WASHC2C: variants seen among roughly 807,000 people sequenced by gnomAD.
WASHC2C encodes the protein Vaccinia Penetration Factor.
Under a neutral mutation model 142.2 loss-of-function variants are expected in WASHC2C, and 73 were observed. That is an observed-to-expected ratio of 0.51 (90% confidence interval 0.43 to 0.62). The LOEUF (loss-of-function observed/expected upper bound fraction) is 0.62, where lower values mean the gene tolerates loss of function less well. Ranked by LOEUF, WASHC2C falls within the 20% of genes least tolerant of loss-of-function variation. The pLI is 0.00. For missense variants in WASHC2C, 969 were observed against 1,531.7 expected, an observed-to-expected ratio of 0.63 and a Z score of 6.13; for synonymous variants, 337 against 565.5, an observed-to-expected ratio of 0.60 and a Z score of 5.73.
intron 26 of WASHC2C, 199 bp downstream of exon 26, chr10:45,785,830 A>G (rs1438472557): frequency 3.9e-6 from 4 of 1,028,902 alleles, no homozygotes; most frequent in Non-Finnish European, 4.2e-6. Flanking sequence ...TCATGAATCT[A>G]TACTTTAATA....
At position 45,727,287 on chromosome 10, in the gene WASHC2C, G is replaced by T; in HGVS notation, c.-31G>T. On this transcript the variant is annotated 5_prime_UTR_variant, in exon 1 of 31. Transcript: ENST00000623400. ...CTGCGGTCCTCGGCCTGTGCTGGCA[G>T]CCTCGGAGCCCACCGAGCCGGGCGG... The T allele has an allele frequency of 1.9e-6, 3 of 1,555,556 alleles. No individual in the cohort carries two copies. Among genetic ancestry groups the T allele is most frequent in the Non-Finnish European group, 2.6e-6 (3 of 1,151,416 alleles).
intron 8 of WASHC2C, among the ~76,000 whole-genome samples, chr10:45,747,790 C>T (rs1485038207): frequency 2.0e-5 from 3 of 150,464 alleles, no homozygotes. Context: ...TCAGGGTCTT[C>T]CCATGTTTCC....
chr10:45,791,209 G>A (rs1392874857), intron 30 of WASHC2C, among the ~76,000 whole-genome samples: 1 of 152,152 alleles, frequency 6.6e-6, no homozygotes, highest in Non-Finnish European at 1.5e-5. Flanking sequence ...GTGCTGCAGA[G>A]CCACACACTG....
At chr10:45,745,176 T>C (rs1554870542) in intron 7 of WASHC2C, among the ~76,000 whole-genome samples, 1 of 151,822 alleles carries the variant, frequency 6.6e-6, no homozygotes, top group Non-Finnish European at 1.5e-5. Context: ...AGCTTAGATG[T>C]TTTGGTGGAA....
intron 5 of WASHC2C, among the ~76,000 whole-genome samples, chr10:45,743,082 G>C (rs1252893987): frequency 1.1e-4 from 16 of 151,646 alleles, no homozygotes; most frequent in Non-Finnish European, 1.9e-4. Flanking sequence ...TCACCACGTT[G>C]GTCAGGCTGG....
chr10:45,761,661 T>C (rs1238408126), intron 17 of WASHC2C, among the ~76,000 whole-genome samples: 1 of 152,200 alleles, frequency 6.6e-6, no homozygotes, highest in Non-Finnish European at 1.5e-5. Context: ...AGGCTGAAGC[T>C]TGCCCTGTGA....
intron 8 of WASHC2C, among the ~76,000 whole-genome samples, chr10:45,749,809 G>A (rs1554873139): frequency 1.8e-5 from 2 of 109,494 alleles, no homozygotes; most frequent in African/African-American, 8.3e-5. Flanking sequence ...CTGGGCCACA[G>A]AGCAAGACTC....
Position 45,789,477 on chromosome 10 carries a change from C to G in WASHC2C, c.3694C>G (p.Gln1232Glu). The change falls in exon 29 of 31, where the codon CAA (glutamine) becomes GAA (glutamate). Residue 1232 changes from glutamine (Q) to glutamate (E), a missense_variant. Gln to Glu is a conservative substitution (Grantham distance 29, BLOSUM62 2). Transcript: ENST00000623400. ...TCAGCAGGATGTCATATTAACAACA[C>G]AAGATATTTTTGAGGTAATAGGACT... is the stretch of plus-strand genomic sequence containing the variant. ...SSQQDVILTT[Q>E]DIFEDDIFAT... 6.2e-7 allele frequency: 1 copy of G among 1,611,992 alleles called. No homozygotes were observed. Among genetic ancestry groups the G allele is most frequent in the East Asian group, 2.2e-5 (1 of 44,882 alleles).
intron 19 of WASHC2C, among the ~76,000 whole-genome samples, chr10:45,766,461 C>T (rs2055836504): frequency 6.9e-6 from 1 of 145,964 alleles, no homozygotes; most frequent in Non-Finnish European, 1.5e-5. Context: ...CTATGTCCTG[C>T]TTCAGAGGAG....
At chr10:45,747,482 C>A (rs1187429508) in intron 8 of WASHC2C, among the ~76,000 whole-genome samples, 1 of 152,178 alleles carries the variant, frequency 6.6e-6, no homozygotes, top group African/African-American at 2.4e-5. Context: ...GCGTTGTAAA[C>A]TTCTATACTT....
intron 3 of WASHC2C, among the ~76,000 whole-genome samples, chr10:45,731,273 T>C (rs1589547742): frequency 7.2e-6 from 1 of 138,534 alleles, no homozygotes; most frequent in Non-Finnish European, 1.6e-5. Context: ...CAGGCTGGAG[T>C]GCAGTGACAC....
intron 17 of WASHC2C, among the ~76,000 whole-genome samples, chr10:45,760,948 A>G (rs2054994392): frequency 6.6e-6 from 1 of 151,724 alleles, no homozygotes; most frequent in African/African-American, 2.4e-5. Context: ...TAAGCCATCC[A>G]GTAATTGTTG....
At chr10:45,761,276 C>T (rs1490881409) in intron 17 of WASHC2C, among the ~76,000 whole-genome samples, 2 of 152,170 alleles carry the variant, frequency 1.3e-5, no homozygotes, top group Non-Finnish European at 2.9e-5. Context: ...CATACTGGCT[C>T]AGGGCTGTAG....
chr10:45,745,904 A>G (rs1261914398), intron 7 of WASHC2C, among the ~76,000 whole-genome samples: 11 of 132,308 alleles, frequency 8.3e-5, no homozygotes, highest in Admixed American at 3.0e-4. Context: ...ATATCTCCCA[A>G]TGCTATCCCT....
chr10:45,727,152 T>C (rs1348390844), upstream of WASHC2C: 3 of 1,434,372 alleles, frequency 2.1e-6, no homozygotes, highest in Admixed American at 2.9e-5. Context: ...CGCAGCTTCC[T>C]CCCCTCAGCA....
At chr10:45,732,890 T>A (rs2050768275) in intron 3 of WASHC2C, among the ~76,000 whole-genome samples, 1 of 152,304 alleles carries the variant, frequency 6.6e-6, no homozygotes, top group Admixed American at 6.5e-5. Context: ...GAGAAGGAGG[T>A]AAAGCCCAAA....
intron 5 of WASHC2C, among the ~76,000 whole-genome samples, chr10:45,740,482 T>C (rs528526485): frequency 8.5e-5 from 13 of 152,304 alleles, no homozygotes; most frequent in Admixed American, 2.6e-4. Flanking sequence ...GCCTCTACTC[T>C]CGAGGTGTGT....
intron 21 of WASHC2C, among the ~76,000 whole-genome samples, chr10:45,773,669 T>A (rs1216676677): frequency 6.6e-6 from 1 of 152,228 alleles, no homozygotes; most frequent in East Asian, 1.9e-4. Flanking sequence ...CTTTTATGAG[T>A]GTGTGTCGAG....
Position 45,789,114 on chromosome 10 carries a change from G to A in WASHC2C, c.3331G>A (p.Val1111Met). The A allele has an allele frequency of 1.2e-6, 2 of 1,612,096 alleles. No individual in the cohort carries two copies. Among genetic ancestry groups the A allele is most frequent in the Non-Finnish European group, 1.7e-6 (2 of 1,179,870 alleles). The change falls in exon 29 of 31, where the codon GTG becomes ATG. Residue 1111 changes from valine to methionine, a missense_variant. By Grantham distance (21) the Val-to-Met change is conservative. Coordinates refer to ENST00000623400, the MANE Select transcript of WASHC2C (RefSeq NM_001330074.2). ...APWEGGPVPG[V>M]DTSPFAKSLG... ...TTGGGAAGGTGGTCCTGTGCCTGGA[G>A]TGGACACAAGCCCCTTTGCAAAGTC...
Sources: allele counts gnomAD v4.1 joint callset (sites outside exome capture counted in the v4.1 genomes callset), GRCh38; gene constraint gnomAD v4.1.1; transcripts MANE v1.5; gene names NCBI Gene and HGNC (gene_info 2026-07-23, HGNC 2026-07-21).